The following BTBD7 variants were observed in gnomAD, a reference collection of about 807,000 sequenced individuals.
BTBD7 encodes BTB domain containing 7, also known as BTB/POZ domain-containing protein 7.
In BTBD7, 38 loss-of-function variants were observed where a neutral mutation model predicts 99.9. That is an observed-to-expected ratio of 0.38 (90% CI 0.29 to 0.50). The LOEUF (loss-of-function observed/expected upper bound fraction) is 0.50. Ranked by LOEUF, BTBD7 falls within the 20% of genes least tolerant of loss-of-function variation. BTBD7 has a pLI of 0.93. For synonymous variants in BTBD7, 520 were observed against 511.4 expected, an observed-to-expected ratio of 1.02 and a Z score of -0.23; for missense variants, 1,170 against 1,394.6, an observed-to-expected ratio of 0.84 and a Z score of 2.57.
rs142373906 is a variant in BTBD7 at position 93,277,572 on chromosome 14, C to A, written c.1163-13579G>T. On this transcript the variant is annotated intron_variant, in intron 3 of 10. Coordinates refer to ENST00000334746, the MANE Select transcript of BTBD7 (RefSeq NM_001002860.4). ...TCTTTAGCTGTGTGATGTGTGAAAT[C>A]TTTGCCTGTTTCCTTATCTGAAAAA... Among the ~76,000 whole-genome samples, 661 of 152,296 alleles carry A rather than the reference C, an allele frequency of 4.3e-3. 10 individuals carry two copies. Among genetic ancestry groups the A allele is most frequent in the Non-Finnish European group, 5.5e-3 (372 of 68,024 alleles).
chr14:93,302,336 T>C (rs768263391), intron 1 of BTBD7, among the ~76,000 whole-genome samples: 4 of 152,004 alleles, frequency 2.6e-5, no homozygotes, highest in Non-Finnish European at 5.9e-5. Flanking sequence ...AGTGGGAATG[T>C]ACGAAAAAAT....
rs761938227 is a variant in BTBD7 at position 93,263,790 on chromosome 14, G to A, written c.1366C>T (p.Leu456=). The A allele has an allele frequency of 1.7e-5, 27 of 1,613,182 alleles. No homozygotes were observed. Among genetic ancestry groups the A allele is most frequent in the Non-Finnish European group, 2.3e-5 (27 of 1,179,250 alleles). Residue 456 remains leucine (L), a synonymous_variant, in exon 4 of 11, where the codon CTA becomes TTA. Transcript: ENST00000334746. ...HLLTAIQSDY[L]QASEQDILKY... is the part of the protein sequence containing the mutation. ...AGAGGTGTTTAAATGATTACCTGTA[G>A]GTAGTCAGACTGGATAGCAGTAAGC...
intron 1 of BTBD7, among the ~76,000 whole-genome samples, chr14:93,302,327 G>A (rs373301390): frequency 9.9e-5 from 15 of 152,280 alleles, no homozygotes; most frequent in Admixed American, 4.6e-4. Flanking sequence ...TTTGTGATTA[G>A]TGGGAATGTA....
At chr14:93,247,582 G>A (rs1334736684) in intron 9 of BTBD7, among the ~76,000 whole-genome samples, 1 of 152,208 alleles carries the variant, frequency 6.6e-6, no homozygotes, top group Non-Finnish European at 1.5e-5. Flanking sequence ...CTGACCTCAA[G>A]TGATCCGCCC....
chr14:93,308,287 C>CAAAAAAAAAAAAAAAAAAAAAAAA (rs869127588), intron 1 of BTBD7, among the ~76,000 whole-genome samples: 1 of 74,946 alleles, frequency 1.3e-5, no homozygotes. Context: ...ACTCGGTCTC[C>CAAAAAAAAAAAAAAAAAAAAAAAA]AAAAAAAAAA....
At chr14:93,280,039 C>T (rs1017474043) in intron 3 of BTBD7, among the ~76,000 whole-genome samples, 14 of 152,284 alleles carry the variant, frequency 9.2e-5, no homozygotes, top group African/African-American at 3.4e-4. Context: ...AATCTACTGC[C>T]TCTAAAAATT....
At chr14:93,300,449 G>C (rs904259317) in intron 1 of BTBD7, among the ~76,000 whole-genome samples, 1 of 151,656 alleles carries the variant, frequency 6.6e-6, no homozygotes, top group Non-Finnish European at 1.5e-5. Context: ...GTAGGGACAG[G>C]GTTTCACTAT....
intron 3 of BTBD7, among the ~76,000 whole-genome samples, chr14:93,270,445 C>T (rs1334665460): frequency 6.6e-6 from 1 of 152,034 alleles, no homozygotes; most frequent in East Asian, 1.9e-4. Flanking sequence ...TGTAATCCCA[C>T]ACTTTAAGAG....
At position 93,321,454 on chromosome 14, in the gene BTBD7, G is replaced by A. The variant is rs564180070; in HGVS notation, c.-107+11366C>T. On this transcript the variant is annotated intron_variant, in intron 1 of 10. Coordinates refer to ENST00000334746, the MANE Select transcript of BTBD7 (RefSeq NM_001002860.4). ...CTAAAAATACAAAAATTAGCTGGAC[G>A]TGGTGGTGCGTGCCTGTAATCCCAG... 1.4e-4 allele frequency among the ~76,000 whole-genome samples: 21 copies of A among 152,260 alleles called. 1 individual carries two copies. Among genetic ancestry groups the A allele is most frequent in the African/African-American group, 3.4e-4 (14 of 41,556 alleles).
At chr14:93,250,489 C>T (rs985811699) in intron 8 of BTBD7, among the ~76,000 whole-genome samples, 2 of 152,206 alleles carry the variant, frequency 1.3e-5, no homozygotes, top group Non-Finnish European at 2.9e-5. Context: ...AAGTCATTAG[C>T]TCCAGAATAA....
chr14:93,324,739 G>A (rs975604738), intron 1 of BTBD7, among the ~76,000 whole-genome samples: 6 of 152,060 alleles, frequency 3.9e-5, no homozygotes, highest in Admixed American at 1.3e-4. Context: ...AAATCTGATC[G>A]GTACAAATAA....
At chr14:93,309,982 T>C (rs564830783) in intron 1 of BTBD7, among the ~76,000 whole-genome samples, 6 of 152,270 alleles carry the variant, frequency 3.9e-5, no homozygotes, top group African/African-American at 1.4e-4. Context: ...TTTCCCCCTT[T>C]AGAAATGGGG....
chr14:93,331,668 G>A (rs1427117866), intron 1 of BTBD7, among the ~76,000 whole-genome samples: 1 of 152,184 alleles, frequency 6.6e-6, no homozygotes, highest in African/African-American at 2.4e-5. Context: ...ATCACCAGAG[G>A]TCAGGAGCTC....
chr14:93,321,758 G>A (rs1440062443), intron 1 of BTBD7, among the ~76,000 whole-genome samples: 1 of 152,038 alleles, frequency 6.6e-6, no homozygotes, highest in East Asian at 1.9e-4. Context: ...ATGATCTTGG[G>A]CAATTTTTTT....
Position 93,245,674 on chromosome 14 carries a change from C to G in BTBD7, c.2583+151G>C, listed in dbSNP as rs757145754. 15 of 1,405,860 alleles carry G rather than the reference C, an allele frequency of 1.1e-5. No homozygotes were observed. In the Admixed American group the frequency reaches 3.0e-4, roughly 28 times the overall value. 87.1% of individuals were successfully genotyped at this position (1,405,860 alleles called of 1,614,324 possible). On this transcript the variant is annotated intron_variant, in intron 10 of 10. Transcript: ENST00000334746. ...CATTCAAGTACACTAGCGTTTTTCC[C>G]TCTTTTCCATACCCCTCAAGTCTAT...
intron 3 of BTBD7, among the ~76,000 whole-genome samples, chr14:93,283,187 C>G (rs915458086): frequency 5.9e-5 from 9 of 152,116 alleles, no homozygotes; most frequent in African/African-American, 2.2e-4. Context: ...AAGCTATGCT[C>G]CCACCTCAGC....
At position 93,257,188 on chromosome 14, in the gene BTBD7, CACTT is replaced by C; in HGVS notation, c.1608+3_1608+6del. The C allele has an allele frequency of 6.2e-7, 1 of 1,609,608 alleles. No homozygotes were observed. The highest frequency in any genetic ancestry group is 8.5e-7 in the Non-Finnish European group (1 of 1,178,726). On this transcript the variant is annotated splice_donor_5th_base_variant and intron_variant, in intron 6 of 10. Coordinates refer to ENST00000334746, the MANE Select transcript of BTBD7 (RefSeq NM_001002860.4). Reference sequence around the variant, plus strand: ...CATGAAAGGAATACATGGAGAAAAACACTTACTGCATCACTTAAGACTTCACTGT... The same window carrying C: ...CATGAAAGGAATACATGGAGAAAAACACTGCATCACTTAAGACTTCACTGT...
In BTBD7 at chr14:93,242,211, T is replaced by C. The variant is rs1456726896; in HGVS notation, c.*62A>G. 8 of 1,471,274 alleles carry C rather than the reference T, an allele frequency of 5.4e-6. No homozygotes were observed. In the Admixed American group the frequency reaches 7.4e-5, roughly 14 times the overall value. 91.1% of individuals were successfully genotyped at this position (1,471,274 alleles called of 1,614,324 possible). A position where few individuals can be genotyped will look rare whatever the true frequency, so the allele number is the denominator to read the frequency against. On this transcript the variant is annotated 3_prime_UTR_variant, in exon 11 of 11. Transcript: ENST00000334746. Reference sequence around the variant, plus strand: ...CATTGATGAACTGGTCTGTAAGTTGTTGGGTTACATCATAAAATGGGATGT... The same window carrying C: ...CATTGATGAACTGGTCTGTAAGTTGCTGGGTTACATCATAAAATGGGATGT...
At chr14:93,299,989 C>T (rs1348757719) in intron 1 of BTBD7, among the ~76,000 whole-genome samples, 2 of 152,202 alleles carry the variant, frequency 1.3e-5, no homozygotes, top group African/African-American at 4.8e-5. Context: ...GCATAACACA[C>T]TCAGGAAAAT....
Sources: allele counts gnomAD v4.1 joint callset (sites outside exome capture counted in the v4.1 genomes callset), GRCh38; gene constraint gnomAD v4.1.1; transcripts MANE v1.5; gene names NCBI Gene and HGNC (gene_info 2026-07-23, HGNC 2026-07-21).